FGF20: variants seen among roughly 807,000 people sequenced by gnomAD.
The protein encoded by FGF20 is fibroblast growth factor 20.
A neutral mutation model predicts 16.7 loss-of-function variants in FGF20; 8 were observed. The observed-to-expected ratio is 0.48, with a 90% CI of 0.28 to 0.87. FGF20 has a LOEUF of 0.87. Ranked by LOEUF, FGF20 falls within the 40% of genes least tolerant of loss-of-function variation. FGF20 has a pLI of 0.10. For missense variants in FGF20, 397 were observed against 281.4 expected (o/e 1.41, Z -2.94); for synonymous variants, 161 against 118.6 (o/e 1.36, Z -2.32).
chr8:16,997,020 C>T (rs765732582), intron 1 of FGF20, among the ~76,000 whole-genome samples: 4 of 152,136 alleles, frequency 2.6e-5, no homozygotes, highest in African/African-American at 9.7e-5. Context: ...CTTTATAATT[C>T]ATTAAATATG....
Position 16,993,207 on chromosome 8 carries a change from C to T in FGF20, c.501G>A (p.Val167=). The T allele has an allele frequency of 6.2e-7, 1 of 1,614,012 alleles. No individual in the cohort carries two copies. Among genetic ancestry groups the T allele is most frequent in the Non-Finnish European group, 8.5e-7 (1 of 1,179,990 alleles). ...KHGDTGRRYF[V]ALNKDGTPRD... ...TTGGAGTTCCGTCTTTGTTAAGTGCCACAAAATACCTGCGGCCAGTGTCTC... is the reference window on the plus strand; with the variant it reads ...TTGGAGTTCCGTCTTTGTTAAGTGCTACAAAATACCTGCGGCCAGTGTCTC... Residue 167 remains valine, a synonymous_variant, in exon 3 of 3, where the codon GTG becomes GTA. Transcript: ENST00000180166.
At chr8:17,000,215 G>A (rs1035281780) in intron 1 of FGF20, among the ~76,000 whole-genome samples, 1 of 152,092 alleles carries the variant, frequency 6.6e-6, no homozygotes, top group Non-Finnish European at 1.5e-5. Flanking sequence ...ACCCCAGGTT[G>A]GCCACTAGGT....
At chr8:16,993,508 G>T (rs1439546317) in intron 2 of FGF20, among the ~76,000 whole-genome samples, 191 bp from the exon 3 acceptor site, 2 of 152,134 alleles carry the variant, frequency 1.3e-5, no homozygotes, top group Non-Finnish European at 2.9e-5. Flanking sequence ...ATCTGGCAGT[G>T]TACTTTAAAG....
chr8:16,997,057 C>A (rs187704224), intron 1 of FGF20, among the ~76,000 whole-genome samples: 1 of 152,124 alleles, frequency 6.6e-6, no homozygotes, highest in Non-Finnish European at 1.5e-5. Flanking sequence ...AATTAGCATG[C>A]AAGTAGATTT....
intron 1 of FGF20, 69 bp downstream of exon 1, chr8:17,001,678 T>C: frequency 6.9e-7 from 1 of 1,445,868 alleles, no homozygotes; most frequent in African/African-American, 1.5e-5. Flanking sequence ...AAGAGGGAGG[T>C]GCAAGGGGAG....
At chr8:16,994,349 G>A (rs934371316) in intron 2 of FGF20, among the ~76,000 whole-genome samples, 2 of 152,084 alleles carry the variant, frequency 1.3e-5, no homozygotes, top group African/African-American at 4.8e-5. Context: ...CATTCTCCAC[G>A]ATTTTTTATC....
In FGF20 at chr8:16,992,839, A is replaced by G; in HGVS notation, c.*233T>C. 1 of 475,972 alleles carries G rather than the reference A, an allele frequency of 2.1e-6. No homozygotes were observed. The highest frequency in any genetic ancestry group is 3.7e-6 in the Non-Finnish European group (1 of 272,298). 29.5% of individuals were successfully genotyped at this position (475,972 alleles called of 1,614,324 possible). A position where few individuals can be genotyped will look rare whatever the true frequency, so the allele number is the denominator to read the frequency against. ...TTTTGGCTTCAGTCTACTGGTAAGG[A>G]CTAATCCAATGTATCTAAGGGAACT... On this transcript the variant is annotated 3_prime_UTR_variant, in exon 3 of 3. Coordinates refer to ENST00000180166, the MANE Select transcript of FGF20 (RefSeq NM_019851.3).
chr8:16,995,798 A>C, intron 1 of FGF20, 40 bp from the exon 2 acceptor site: 1 of 1,198,282 alleles, frequency 8.3e-7, no homozygotes, highest in Non-Finnish European at 1.2e-6. Flanking sequence ...CATGTTTTGT[A>C]TTTATGCATG....
In FGF20 at chr8:16,995,635, A is replaced by T. The variant is rs1198251206; in HGVS notation, c.390+20T>A. ...ATTTTAAGAATTACAATAATAATAA[A>T]AAATAAAAATAATACGTACTGATCC... On this transcript the variant is annotated intron_variant, in intron 2 of 2. Coordinates refer to ENST00000180166, the MANE Select transcript of FGF20 (RefSeq NM_019851.3). 9.0e-7 allele frequency: 1 copy of T among 1,116,460 alleles called. No homozygotes were observed. The highest frequency in any genetic ancestry group is 1.3e-6 in the Non-Finnish European group (1 of 785,654). 69.2% of individuals were successfully genotyped at this position (1,116,460 alleles called of 1,614,324 possible). A position where few individuals can be genotyped will look rare whatever the true frequency, so the allele number is the denominator to read the frequency against.
In FGF20 at chr8:17,001,946, A is replaced by C. The variant is rs769741929; in HGVS notation, c.87T>G (p.Pro29=). 1 of 1,499,126 alleles carries C rather than the reference A, an allele frequency of 6.7e-7. No individual in the cohort carries two copies. Among genetic ancestry groups the C allele is most frequent in the Non-Finnish European group, 8.9e-7 (1 of 1,125,528 alleles). 92.9% of individuals were successfully genotyped at this position (1,499,126 alleles called of 1,614,324 possible). A position where few individuals can be genotyped will look rare whatever the true frequency, so the allele number is the denominator to read the frequency against. Residue 29 remains proline, a synonymous_variant, in exon 1 of 3, where the codon CCT becomes CCG. Transcript: ENST00000180166. ...CCAGCAGCGGCGGCCGCTCCCCGGC[A>C]GGAGGCAACAGGAAATGCGAACCCA... is the stretch of plus-strand genomic sequence containing the variant. ...QQVGSHFLLP[P]AGERPPLLGE... is the part of the protein sequence containing the mutation.
At chr8:17,001,293 T>C (rs966342501) in intron 1 of FGF20, among the ~76,000 whole-genome samples, 2 of 152,166 alleles carry the variant, frequency 1.3e-5, no homozygotes. Context: ...CTTCCTGTTA[T>C]TAATTTTTGT....
chr8:16,994,585 G>C (rs1810000630), intron 2 of FGF20, among the ~76,000 whole-genome samples: 1 of 152,068 alleles, frequency 6.6e-6, no homozygotes. Context: ...GAAATAACAA[G>C]TTTTACCCTT....
At chr8:17,001,082 G>C (rs1810169449) in intron 1 of FGF20, among the ~76,000 whole-genome samples, 1 of 113,148 alleles carries the variant, frequency 8.8e-6, no homozygotes, top group Non-Finnish European at 1.6e-5. Flanking sequence ...CACCCACATA[G>C]AACTTAGGAG....
At chr8:16,999,466 G>A (rs1333853283) in intron 1 of FGF20, among the ~76,000 whole-genome samples, 1 of 149,900 alleles carries the variant, frequency 6.7e-6, no homozygotes, top group Non-Finnish European at 1.5e-5. Flanking sequence ...CAAAGTAAAA[G>A]AGGCCTTTTT....
At chr8:16,997,018 T>C (rs1396228064) in intron 1 of FGF20, among the ~76,000 whole-genome samples, 1 of 152,228 alleles carries the variant, frequency 6.6e-6, no homozygotes, top group African/African-American at 2.4e-5. Flanking sequence ...GACTTTATAA[T>C]TCATTAAATA....
At chr8:16,999,837 C>T (rs969429248) in intron 1 of FGF20, among the ~76,000 whole-genome samples, 3 of 151,880 alleles carry the variant, frequency 2.0e-5, no homozygotes, top group Admixed American at 6.6e-5. Context: ...CTGCGCCCAG[C>T]CCCAAGTTTC....
rs895829282 is a variant in FGF20, at chr8:16,992,531, C to G, written c.*541G>C. ...TCAAATTGAAAGTGTATAAATAGGTCCATTCTTTTAAAAAGTGTTCTGTCT... is the reference window on the plus strand; with the variant it reads ...TCAAATTGAAAGTGTATAAATAGGTGCATTCTTTTAAAAAGTGTTCTGTCT... On this transcript the variant is annotated 3_prime_UTR_variant, in exon 3 of 3. Transcript: ENST00000180166. The G allele has an allele frequency of 6.6e-6, 1 of 150,740 alleles. No individual in the cohort carries two copies. Among genetic ancestry groups the G allele is most frequent in the Non-Finnish European group, 1.5e-5 (1 of 67,766 alleles). 9.3% of individuals were successfully genotyped at this position (150,740 alleles called of 1,614,324 possible). A position where few individuals can be genotyped will look rare whatever the true frequency, so the allele number is the denominator to read the frequency against.
rs544089387 is a variant in FGF20 at position 17,001,873 on chromosome 8, C to A, written c.160G>T (p.Ala54Ser). Residue 54 changes from alanine to serine, a missense_variant, in exon 1 of 3, where the codon GCT becomes TCT. By Grantham distance (99) the Ala-to-Ser change is moderately conservative. Coordinates refer to ENST00000180166, the MANE Select transcript of FGF20 (RefSeq NM_019851.3). ...CCGTGCAGGTGCGCCAGCTGCGCAGCCCCCGGCCCGCCGCGCGCGCTCCGC... is the reference window on the plus strand; with the variant it reads ...CCGTGCAGGTGCGCCAGCTGCGCAGACCCCGGCCCGCCGCGCGCGCTCCGC... Reference protein sequence around the residue: ...AERSARGGPGAAQLAHLHGIL... With the variant: ...AERSARGGPGSAQLAHLHGIL... 5 of 1,439,518 alleles carry A rather than the reference C, an allele frequency of 3.5e-6. No individual in the cohort carries two copies. The highest frequency in any genetic ancestry group is 4.5e-6 in the Non-Finnish European group (5 of 1,101,600). 89.2% of individuals were successfully genotyped at this position (1,439,518 alleles called of 1,614,324 possible).
At chr8:17,000,485 C>G (rs1315635986) in intron 1 of FGF20, among the ~76,000 whole-genome samples, 1 of 152,026 alleles carries the variant, frequency 6.6e-6, no homozygotes, top group African/African-American at 2.4e-5. Flanking sequence ...GAGGGCCATT[C>G]AGAGATGGGG....
Sources: gnomAD v4.1 joint callset for allele counts (sites outside exome capture counted in the v4.1 genomes callset) on GRCh38, gnomAD v4.1.1 for gene constraint, MANE v1.5 for transcripts, NCBI Gene and HGNC (gene_info 2026-07-23, HGNC 2026-07-21) for gene names.